MAP2K1: variants seen among roughly 807,000 people sequenced by gnomAD.
MAP2K1 encodes the protein mitogen-activated protein kinase kinase 1, also known as dual specificity mitogen-activated protein kinase kinase 1.
In MAP2K1, 16 loss-of-function variants were observed where a neutral mutation model predicts 46.3. The ratio of observed to expected loss-of-function variants is 0.35; its 90% confidence interval spans 0.23 to 0.52. The LOEUF (loss-of-function observed/expected upper bound fraction) is 0.52, where lower values mean the gene tolerates loss of function less well. Ranked by LOEUF, MAP2K1 falls within the 20% of genes least tolerant of loss-of-function variation. MAP2K1 has a pLI of 0.94. For synonymous variants in MAP2K1, 183 were observed against 185.6 expected (o/e 0.99, Z 0.11); for missense variants, 263 against 497.1 (o/e 0.53, Z 4.48).
intron 1 of MAP2K1, among the ~76,000 whole-genome samples, chr15:66,420,789 G>A (rs142022576): frequency 0.11 from 1,906 of 17,722 alleles, 255 homozygotes; most frequent in Admixed American, 0.2. Flanking sequence ...GTATATATAT[G>A]TGTGTATATA....
intron 1 of MAP2K1, among the ~76,000 whole-genome samples, chr15:66,430,299 A>G (rs1254245427): frequency 6.6e-6 from 1 of 152,132 alleles, no homozygotes; most frequent in African/African-American, 2.4e-5. Context: ...CTCTCTGGTA[A>G]GAACACCCAC....
chr15:66,490,175 T>C lies in MAP2K1; in HGVS notation c.1069-327T>C, dbSNP rs1052236238. 5 of 518,558 alleles carry C rather than the reference T, an allele frequency of 9.6e-6. No homozygotes were observed. The Admixed American group carries it at 1.3e-4, about 13-fold the overall frequency. The allele number at this position is 518,558 out of a possible 1,614,324, so 32.1% of individuals were successfully genotyped here. ...TAAATATCTGGACAGCCATAGACGGTGTATATAGTATATAATATGCACTAA... is the reference window on the plus strand; with the variant it reads ...TAAATATCTGGACAGCCATAGACGGCGTATATAGTATATAATATGCACTAA... On this transcript the variant is annotated intron_variant, in intron 10 of 10. Coordinates refer to ENST00000307102, the MANE Select transcript of MAP2K1 (RefSeq NM_002755.4).
chr15:66,420,753 G>GTATATATA, intron 1 of MAP2K1, among the ~76,000 whole-genome samples: 1 of 45,342 alleles, frequency 2.2e-5, no homozygotes, highest in Admixed American at 2.5e-4. Context: ...GTGTGTGTGT[G>GTATATATA]TGTGTGTATG....
chr15:66,467,449 G>A lies in MAP2K1; in HGVS notation c.569-14306G>A, dbSNP rs182955950. Among the ~76,000 whole-genome samples the A allele has an allele frequency of 2.0e-3, 299 of 152,200 alleles. 2 individuals carry two copies. Among genetic ancestry groups the A allele is most frequent in the Non-Finnish European group, 3.2e-3 (216 of 68,010 alleles). On this transcript the variant is annotated intron_variant, in intron 5 of 10. Transcript: ENST00000307102. The stretch of plus-strand genomic sequence containing the variant: ...TTCCCCAAACCCCCTTCCTGCCTGG[G>A]GACTAGGCTGCCTAAAGCCACATGA...
At position 66,387,261 on chromosome 15, in the gene MAP2K1, G is replaced by A. The variant is rs953592546; in HGVS notation, c.-87G>A. The A allele has an allele frequency of 2.4e-5, 29 of 1,233,588 alleles. No homozygotes were observed. The highest frequency in any genetic ancestry group is 3.2e-5 in the Non-Finnish European group (28 of 863,600). 76.4% of individuals were successfully genotyped at this position (1,233,588 alleles called of 1,614,324 possible). ...GGGCCCGCGGCCCGGACTTGGTCCT[G>A]CGCAGCGGGCGCGGGGCAGCGCAGC... On this transcript the variant is annotated 5_prime_UTR_variant, in exon 1 of 11. Transcript: ENST00000307102.
At chr15:66,485,666 C>T (rs1024058772) in intron 7 of MAP2K1, among the ~76,000 whole-genome samples, 1 of 152,066 alleles carries the variant, frequency 6.6e-6, no homozygotes, top group Non-Finnish European at 1.5e-5. Context: ...GCAGCCTCAA[C>T]CTCCCAGGCC....
At chr15:66,456,246 A>G (rs1184635995) in intron 5 of MAP2K1, among the ~76,000 whole-genome samples, 1 of 152,238 alleles carries the variant, frequency 6.6e-6, no homozygotes. Flanking sequence ...ACATATCTGT[A>G]AATGACTCTT....
At chr15:66,400,616 C>T (rs542372082) in intron 1 of MAP2K1, among the ~76,000 whole-genome samples, 1 of 152,272 alleles carries the variant, frequency 6.6e-6, no homozygotes, top group Non-Finnish European at 1.5e-5. Context: ...ATGTCCTGTG[C>T]CCTTGTTGCT....
At chr15:66,444,966 A>AGCAGAG (rs1362837392) in intron 5 of MAP2K1, 28 of 502,264 alleles carry the variant, frequency 5.6e-5, no homozygotes, top group Middle Eastern at 5.6e-4. Flanking sequence ...AGCCTCAACC[A>AGCAGAG]GCACTTAGTT....
intron 8 of MAP2K1, among the ~76,000 whole-genome samples, chr15:66,487,707 G>A (rs1221651543): frequency 1.3e-5 from 2 of 152,194 alleles, no homozygotes; most frequent in Non-Finnish European, 2.9e-5. Flanking sequence ...ACCATGGGCT[G>A]TAGAAAAGCA....
chr15:66,406,903 A>G (rs926461592), intron 1 of MAP2K1, among the ~76,000 whole-genome samples: 1 of 152,132 alleles, frequency 6.6e-6, no homozygotes, highest in Non-Finnish European at 1.5e-5. Flanking sequence ...GTGGTGGTGC[A>G]TGCCTATAAT....
chr15:66,461,469 T>A (rs1165260292), intron 5 of MAP2K1, among the ~76,000 whole-genome samples: 1 of 134,594 alleles, frequency 7.4e-6, no homozygotes, highest in African/African-American at 2.9e-5. Context: ...AGAGTGAGAC[T>A]CTGTCTCTAA....
intron 9 of MAP2K1, chr15:66,489,509 G>T (rs1388555990): frequency 1.5e-6 from 1 of 670,130 alleles, no homozygotes; most frequent in Admixed American, 2.3e-5. Flanking sequence ...GCTCTCCAGG[G>T]ATTGGCACGT....
chr15:66,453,640 C>A, intron 5 of MAP2K1: 1 of 685,858 alleles, frequency 1.5e-6, no homozygotes, highest in Non-Finnish European at 2.6e-6. Flanking sequence ...CCAGTTCTAC[C>A]TCTGTTCTAA....
At chr15:66,431,913 T>G (rs943739318) in intron 1 of MAP2K1, among the ~76,000 whole-genome samples, 19 of 152,168 alleles carry the variant, frequency 1.2e-4, no homozygotes, top group African/African-American at 4.3e-4. Context: ...TTCTCACCAT[T>G]CAGTTCCCAC....
chr15:66,394,601 A>G (rs954603611), intron 1 of MAP2K1, among the ~76,000 whole-genome samples: 1 of 151,730 alleles, frequency 6.6e-6, no homozygotes, highest in African/African-American at 2.4e-5. Flanking sequence ...TACTACCGGC[A>G]TGTACCACCA....
chr15:66,458,934 G>T (rs1368621271), intron 5 of MAP2K1, among the ~76,000 whole-genome samples: 2 of 152,100 alleles, frequency 1.3e-5, no homozygotes, highest in African/African-American at 4.8e-5. Context: ...CCTCAAAAGT[G>T]TTCCTTTATT....
At chr15:66,409,763 T>C (rs1448882990) in intron 1 of MAP2K1, among the ~76,000 whole-genome samples, 1 of 152,196 alleles carries the variant, frequency 6.6e-6, no homozygotes, top group East Asian at 1.9e-4. Context: ...CCCACCAGTC[T>C]TCACACCCCC....
Position 66,481,914 on chromosome 15 carries a change from G to A in MAP2K1, c.693+35G>A, listed in dbSNP as rs1485546513. 4 of 1,608,070 alleles carry A rather than the reference G, an allele frequency of 2.5e-6. No homozygotes were observed. In the East Asian group the frequency reaches 6.7e-5, roughly 27 times the overall value. ...GAAGTTTCCATTGCTTGAGCTTCTT[G>A]TACGGTCAGGGAGAGGAGCCCAGTG... On this transcript the variant is annotated intron_variant, in intron 6 of 10. Coordinates refer to ENST00000307102, the MANE Select transcript of MAP2K1 (RefSeq NM_002755.4).
Sources: gnomAD v4.1 joint callset for allele counts (sites outside exome capture counted in the v4.1 genomes callset) on GRCh38, gnomAD v4.1.1 for gene constraint, MANE v1.5 for transcripts, NCBI Gene and HGNC (gene_info 2026-07-23, HGNC 2026-07-21) for gene names.